Variants in JAK3 observed in about 807,000 individuals in gnomAD.
JAK3 encodes tyrosine-protein kinase JAK3.
JAK3 carries 88 observed loss-of-function variants against 120.8 expected under a neutral mutation model. The observed-to-expected ratio is 0.73, with a 90% CI of 0.61 to 0.87. The LOEUF (loss-of-function observed/expected upper bound fraction) is 0.87, where lower values mean the gene tolerates loss of function less well. JAK3 is among the 40% of genes least tolerant of loss of function. The pLI is 0.00. For missense variants in JAK3, 1,254 were observed against 1,501.4 expected, an observed-to-expected ratio of 0.84 and a Z score of 2.72; for synonymous variants, 592 against 628.6, an observed-to-expected ratio of 0.94 and a Z score of 0.87.
At position 17,842,326 on chromosome 19, in the gene JAK3, C is replaced by A. The variant is rs587778420; in HGVS notation, c.851G>T (p.Gly284Val). 6.3e-7 allele frequency: 1 copy of A among 1,583,352 alleles called. No individual in the cohort carries two copies. Among genetic ancestry groups the A allele is most frequent in the Non-Finnish European group, 8.5e-7 (1 of 1,170,744 alleles). Reference protein sequence around the residue: ...AGDGGIAWTQGEQEVLQPFCD... With the variant: ...AGDGGIAWTQVEQEVLQPFCD... The stretch of plus-strand genomic sequence containing the variant: ...GGAGTCCGCCCTCACCTCCTGTTCT[C>A]CCTGGGTCCAGGCGATGCCGCCGTC... Residue 284 changes from glycine to valine, a missense_variant, in exon 6 of 24, where the codon GGA becomes GTA. Coordinates refer to ENST00000458235, the MANE Select transcript of JAK3 (RefSeq NM_000215.4). The surrounding 1 kb of genome is among the most constrained non-coding windows in gnomAD (Gnocchi z 6.4).
rs3212741 is a variant in JAK3 at position 17,840,369 on chromosome 19, G to A, written c.1143-28C>T. ...GTGGGGGAAGGTGAGAGGGAATGGG[G>A]AGGAGTCAGAGATAGAAGAAGACAG... On this transcript the variant is annotated intron_variant, in intron 8 of 23. Transcript: ENST00000458235. 289,387 of 1,453,662 alleles carry A rather than the reference G, an allele frequency of 0.2. 31,189 individuals carry two copies. The highest frequency in any genetic ancestry group is 0.23 in the Non-Finnish European group (235,165 of 1,037,322). The allele number at this position is 1,453,662 out of a possible 1,614,324, so 90.0% of individuals were successfully genotyped here. A position where few individuals can be genotyped will look rare whatever the true frequency, so the allele number is the denominator to read the frequency against.
chr19:17,842,476 A>C lies in JAK3; in HGVS notation c.701T>G (p.Leu234Arg). ...VAACQADRHSLMAKYIMDLER... is the reference protein window; with the variant it reads ...VAACQADRHSRMAKYIMDLER... ...CAGGTCCATGATGTACTTGGCCATG[A>C]GCGAGTGCCGGTCTGCCTGGCAGGC... The change falls in exon 6 of 24, where the codon CTC becomes CGC. Residue 234 changes from leucine (L) to arginine (R), a missense_variant. Physicochemically the swap from Leu to Arg is moderately radical, Grantham distance 102 (BLOSUM62 -2). Transcript: ENST00000458235. The surrounding 1 kb of genome is among the most constrained non-coding windows in gnomAD (Gnocchi z 6.4). The C allele has an allele frequency of 3.1e-6, 5 of 1,599,830 alleles. No individual in the cohort carries two copies. Among genetic ancestry groups the C allele is most frequent in the Non-Finnish European group, 4.3e-6 (5 of 1,174,196 alleles).
Position 17,831,572 on chromosome 19 carries a change from G to T in JAK3, c.2805+102C>A. ...GCCAACCCCACCACTCCCGAGACCT[G>T]GACCCCAAACCACTCCTCAGCCTTC... is the stretch of plus-strand genomic sequence containing the variant. On this transcript the variant is annotated intron_variant, in intron 20 of 23. Coordinates refer to ENST00000458235, the MANE Select transcript of JAK3 (RefSeq NM_000215.4). The surrounding 1 kb of genome is among the most constrained non-coding windows in gnomAD (Gnocchi z 5.1). The T allele has an allele frequency of 6.6e-7, 1 of 1,513,946 alleles. No individual in the cohort carries two copies. The highest frequency in any genetic ancestry group is 8.9e-7 in the Non-Finnish European group (1 of 1,126,136). The allele number at this position is 1,513,946 out of a possible 1,614,324, so 93.8% of individuals were successfully genotyped here.
At chr19:17,827,003 G>T in intron 23 of JAK3, 93 bp from the exon 24 acceptor site, 1 of 1,388,176 alleles carries the variant, frequency 7.2e-7, no homozygotes. Context: ...TTTTTGAGAC[G>T]GAGTCTAGCT....
chr19:17,838,546 T>G (rs2094230038), intron 10 of JAK3, among the ~76,000 whole-genome samples, 156 bp from the exon 11 acceptor site: 1 of 152,106 alleles, frequency 6.6e-6, no homozygotes, highest in Non-Finnish European at 1.5e-5. Flanking sequence ...TTTTGTTTTG[T>G]TGTTGCTGCT....
chr19:17,828,349 G>A (rs2094208040), intron 23 of JAK3, among the ~76,000 whole-genome samples: 3 of 152,146 alleles, frequency 2.0e-5, no homozygotes, highest in Admixed American at 6.6e-5. Context: ...TTAACCTCCT[G>A]GGCTCAAGCA....
chr19:17,838,215 C>G (rs1487949801), intron 11 of JAK3, 48 bp downstream of exon 11: 6 of 1,613,484 alleles, frequency 3.7e-6, no homozygotes, highest in Non-Finnish European at 5.1e-6. Flanking sequence ...GCATCTGAGT[C>G]TCTGGACCCC....
intron 17 of JAK3, among the ~76,000 whole-genome samples, chr19:17,834,003 T>C (rs1373910593): frequency 6.6e-6 from 1 of 152,120 alleles, no homozygotes. Flanking sequence ...CACCTACCTA[T>C]AGCTGGAACT....
intron 23 of JAK3, among the ~76,000 whole-genome samples, chr19:17,828,316 T>C (rs575485320): frequency 1.3e-5 from 2 of 152,182 alleles, no homozygotes; most frequent in African/African-American, 4.8e-5. Context: ...AGTGCAGTGG[T>C]ACAATAATGG....
At chr19:17,836,162 T>G in intron 13 of JAK3, 111 bp from the exon 14 acceptor site, 2 of 1,230,528 alleles carry the variant, frequency 1.6e-6, no homozygotes, top group Non-Finnish European at 2.4e-6. Flanking sequence ...TCTCTGTCTG[T>G]TCCCTCCCCT....
intron 1 of JAK3, among the ~76,000 whole-genome samples, chr19:17,846,586 T>G (rs937673941): frequency 1.2e-4 from 18 of 152,248 alleles, no homozygotes; most frequent in African/African-American, 3.4e-4. Context: ...TTTTTTGGTT[T>G]GTTTGTTTGT....
Position 17,837,257 on chromosome 19 carries a change from A to G in JAK3, c.1702-44T>C, listed in dbSNP as rs202072344. 512 of 1,476,320 alleles carry G rather than the reference A, an allele frequency of 3.5e-4. 3 individuals carry two copies. The South Asian group carries it at 5.9e-3, about 17-fold the overall frequency. The allele number at this position is 1,476,320 out of a possible 1,614,324, so 91.5% of individuals were successfully genotyped here. A position where few individuals can be genotyped will look rare whatever the true frequency, so the allele number is the denominator to read the frequency against. ...GAGAGAAGATGCGTGGGTTTCTTCC[A>G]CTCCAATAATCCCAAATTTTGTGCT... is the stretch of plus-strand genomic sequence containing the variant. On this transcript the variant is annotated intron_variant, in intron 12 of 23. Transcript: ENST00000458235.
At chr19:17,846,792 C>T (rs1484271770) in intron 1 of JAK3, among the ~76,000 whole-genome samples, 3 of 152,198 alleles carry the variant, frequency 2.0e-5, no homozygotes, top group Non-Finnish European at 4.4e-5. Context: ...ACCATGTTGG[C>T]CAGGCTGGTC....
rs1443660673 is a variant in JAK3 at position 17,831,461 on chromosome 19, AG to A, written c.2806-62del. ...CCAGGATAATCCGGCAGGTACCCCA[AG>A]CGTGACCTGGCACCCCAACCCAGAC... is the stretch of plus-strand genomic sequence containing the variant. On this transcript the variant is annotated intron_variant, in intron 20 of 23. Transcript: ENST00000458235. The surrounding 1 kb of genome is among the most constrained non-coding windows in gnomAD (Gnocchi z 5.1). 2 of 1,589,744 alleles carry A rather than the reference AG, an allele frequency of 1.3e-6. No individual in the cohort carries two copies.
chr19:17,841,889 C>A lies in JAK3; in HGVS notation c.862-127G>T. 4.5e-6 allele frequency: 6 copies of A among 1,333,224 alleles called. No individual in the cohort carries two copies. The highest frequency in any genetic ancestry group is 6.2e-6 in the Non-Finnish European group (6 of 968,140). 82.6% of individuals were successfully genotyped at this position (1,333,224 alleles called of 1,614,324 possible). ...TGCCATTCAACCCTTCCAAGCCGCGCCCCCTCCTATCAACTCCAACCTCTC... is the reference window on the plus strand; with the variant it reads ...TGCCATTCAACCCTTCCAAGCCGCGACCCCTCCTATCAACTCCAACCTCTC... On this transcript the variant is annotated intron_variant, in intron 6 of 23. Coordinates refer to ENST00000458235, the MANE Select transcript of JAK3 (RefSeq NM_000215.4). The surrounding 1 kb of genome is among the most constrained non-coding windows in gnomAD (Gnocchi z 4.1).
rs199675950 is a variant in JAK3, at chr19:17,834,559, C to T, written c.2350+12G>A. On this transcript the variant is annotated intron_variant, in intron 17 of 23. Coordinates refer to ENST00000458235, the MANE Select transcript of JAK3 (RefSeq NM_000215.4). ...TCACAGCCCTCCCCACCCAACCCGT[C>T]CCAGCGGGCACCTGAAGAGATGAGG... The T allele has an allele frequency of 9.3e-5, 147 of 1,583,090 alleles. No homozygotes were observed. The South Asian group carries it at 1.6e-3, about 17-fold the overall frequency.
chr19:17,840,143 C>T, intron 9 of JAK3, 87 bp downstream of exon 9: 1 of 910,374 alleles, frequency 1.1e-6, no homozygotes, highest in Non-Finnish European at 1.8e-6. Flanking sequence ...TCTTCAGGAA[C>T]CAAATGCTGA....
intron 23 of JAK3, 65 bp downstream of exon 23, chr19:17,830,043 G>T: frequency 8.3e-7 from 1 of 1,198,396 alleles, no homozygotes; most frequent in Non-Finnish European, 1.2e-6. Flanking sequence ...GGCGCCAGCT[G>T]GCTTGCCCGA....
chr19:17,827,776 C>T (rs1345183176), intron 23 of JAK3, among the ~76,000 whole-genome samples: 2 of 137,902 alleles, frequency 1.5e-5, no homozygotes, highest in Admixed American at 7.4e-5. Flanking sequence ...GTGGCGTGTG[C>T]CTGTAATCCC....
Sources: allele counts gnomAD v4.1 joint callset (sites outside exome capture counted in the v4.1 genomes callset), GRCh38; gene constraint gnomAD v4.1.1; non-coding constraint Gnocchi (gnomAD v3.1); transcripts MANE v1.5; gene names NCBI Gene and HGNC (gene_info 2026-07-23, HGNC 2026-07-21).